The following KATNAL1 variants were observed in gnomAD, a reference collection of about 807,000 sequenced individuals.
KATNAL1 encodes katanin p60 ATPase-containing subunit A-like 1.
In KATNAL1, 32 loss-of-function variants were observed where a neutral mutation model predicts 55.2. That is an observed-to-expected ratio of 0.58 (90% CI 0.44 to 0.78). KATNAL1 has a LOEUF of 0.78. Ranked by LOEUF, KATNAL1 falls within the 30% of genes least tolerant of loss-of-function variation. KATNAL1 has a pLI of 0.00. For missense variants in KATNAL1, 466 were observed against 600.9 expected, an observed-to-expected ratio of 0.78 and a Z score of 2.35; for synonymous variants, 193 against 193.6, an observed-to-expected ratio of 1.00 and a Z score of 0.02.
chr13:30,231,554 T>G lies in KATNAL1; in HGVS notation c.727-82A>C, dbSNP rs1174960875. The G allele has an allele frequency of 3.5e-6, 3 of 852,374 alleles. No homozygotes were observed. In the African/African-American group the frequency reaches 5.3e-5, roughly 15 times the overall value. 52.8% of individuals were successfully genotyped at this position (852,374 alleles called of 1,614,324 possible). On this transcript the variant is annotated intron_variant, in intron 6 of 10. Coordinates refer to ENST00000380615, the MANE Select transcript of KATNAL1 (RefSeq NM_032116.5). ...ATTATCATCAGCTATTAATGTACAT[T>G]GAGATTTTTCCATCAAAAGATAAAC...
At chr13:30,295,422 T>C (rs991079791) in intron 1 of KATNAL1, among the ~76,000 whole-genome samples, 1 of 152,128 alleles carries the variant, frequency 6.6e-6, no homozygotes, top group Non-Finnish European at 1.5e-5. Flanking sequence ...GAACTAGCAT[T>C]AGAAGTGGAG....
At chr13:30,262,864 T>G (rs1457305823) in intron 3 of KATNAL1, among the ~76,000 whole-genome samples, 9 of 152,188 alleles carry the variant, frequency 5.9e-5, no homozygotes, top group African/African-American at 1.9e-4. Context: ...CCCTAACTCA[T>G]TTTATGAGGC....
chr13:30,302,912 T>C (rs1474175143), intron 1 of KATNAL1, among the ~76,000 whole-genome samples: 1 of 152,204 alleles, frequency 6.6e-6, no homozygotes, highest in African/African-American at 2.4e-5. Flanking sequence ...AGTTCTATAA[T>C]ACCCTGGGAA....
chr13:30,224,349 G>T (rs557907907), intron 9 of KATNAL1, among the ~76,000 whole-genome samples: 9 of 151,906 alleles, frequency 5.9e-5, no homozygotes, highest in Admixed American at 5.9e-4. Context: ...TGGGAAACAC[G>T]GCAAGCCTCT....
intron 3 of KATNAL1, among the ~76,000 whole-genome samples, chr13:30,257,266 T>C (rs1878875000): frequency 6.6e-6 from 1 of 152,224 alleles, no homozygotes; most frequent in Non-Finnish European, 1.5e-5. Context: ...ATAAATGTCT[T>C]TCCTGAGTCA....
chr13:30,269,025 A>G (rs1002419837), intron 3 of KATNAL1, among the ~76,000 whole-genome samples: 1 of 152,206 alleles, frequency 6.6e-6, no homozygotes, highest in Non-Finnish European at 1.5e-5. Context: ...ATCAGGTGAC[A>G]ATGAGTACTA....
intron 1 of KATNAL1, among the ~76,000 whole-genome samples, chr13:30,292,706 C>T (rs548512281): frequency 1.4e-4 from 21 of 151,692 alleles, no homozygotes; most frequent in Admixed American, 2.6e-4. Flanking sequence ...CTTTCTCTTT[C>T]TTTTTTCACT....
chr13:30,211,712 G>A (rs1032868632), intron 9 of KATNAL1, among the ~76,000 whole-genome samples: 7 of 152,032 alleles, frequency 4.6e-5, no homozygotes, highest in African/African-American at 9.7e-5. Flanking sequence ...AAAAACTAAC[G>A]GGCAGATACC....
At chr13:30,211,408 T>C (rs1873675582) in intron 9 of KATNAL1, among the ~76,000 whole-genome samples, 1 of 152,306 alleles carries the variant, frequency 6.6e-6, no homozygotes, top group East Asian at 1.9e-4. Context: ...AGAAAAAAGG[T>C]AGACATAGCA....
chr13:30,281,913 T>C (rs1196554628), intron 2 of KATNAL1: 1 of 152,102 alleles, frequency 6.6e-6, no homozygotes, highest in Non-Finnish European at 1.5e-5. Flanking sequence ...TGTTTTAGTA[T>C]AACAGGTGAA....
At chr13:30,298,394 T>C (rs951155133) in intron 1 of KATNAL1, among the ~76,000 whole-genome samples, 2 of 152,252 alleles carry the variant, frequency 1.3e-5, no homozygotes, top group Non-Finnish European at 2.9e-5. Flanking sequence ...CTAAAATTTG[T>C]TTATTCACTC....
At chr13:30,271,440 T>C (rs1337064990) in intron 3 of KATNAL1, among the ~76,000 whole-genome samples, 1 of 151,942 alleles carries the variant, frequency 6.6e-6, no homozygotes, top group East Asian at 1.9e-4. Context: ...CTCAGGAAAC[T>C]TACAATCATG....
At chr13:30,251,421 T>C (rs78737535) in intron 4 of KATNAL1, among the ~76,000 whole-genome samples, 3,252 of 152,306 alleles carry the variant, frequency 0.021, 46 homozygotes, top group Non-Finnish European at 0.033. Context: ...GACAGGGTTT[T>C]TGGAAGGTGG....
chr13:30,287,426 G>A (rs921535529), intron 1 of KATNAL1, among the ~76,000 whole-genome samples: 3 of 152,152 alleles, frequency 2.0e-5, no homozygotes, highest in African/African-American at 4.8e-5. Context: ...CTGTGAAGAG[G>A]TGCCTTCCGC....
intron 3 of KATNAL1, among the ~76,000 whole-genome samples, chr13:30,269,425 C>T (rs1880063188): frequency 6.6e-6 from 1 of 152,382 alleles, no homozygotes; most frequent in African/African-American, 2.4e-5. Context: ...GTGATCTCGG[C>T]TCGCTACAAC....
chr13:30,248,866 T>G (rs1319299079), intron 4 of KATNAL1, among the ~76,000 whole-genome samples: 1 of 152,184 alleles, frequency 6.6e-6, no homozygotes, highest in Non-Finnish European at 1.5e-5. Flanking sequence ...AAGACCATCC[T>G]GGCTAACACA....
chr13:30,206,514 C>T lies in KATNAL1; in HGVS notation c.*2026G>A, dbSNP rs1264727538. The T allele has an allele frequency of 2.0e-5, 3 of 151,988 alleles. No homozygotes were observed. Among genetic ancestry groups the T allele is most frequent in the African/African-American group, 7.2e-5 (3 of 41,388 alleles). 9.4% of individuals were successfully genotyped at this position (151,988 alleles called of 1,614,324 possible). A position where few individuals can be genotyped will look rare whatever the true frequency, so the allele number is the denominator to read the frequency against. ...TGCTTAACTGGTATTAAAAGAATCA[C>T]AATTACTATGTCATTATCCATGAAG... On this transcript the variant is annotated 3_prime_UTR_variant, in exon 11 of 11. Transcript: ENST00000380615.
At chr13:30,256,379 T>C (rs1878789169) in intron 3 of KATNAL1, among the ~76,000 whole-genome samples, 1 of 152,234 alleles carries the variant, frequency 6.6e-6, no homozygotes, top group Non-Finnish European at 1.5e-5. Flanking sequence ...TTTTTGATTC[T>C]TGGGAAAGGG....
chr13:30,304,722 A>G (rs1883076187), intron 1 of KATNAL1, among the ~76,000 whole-genome samples: 1 of 152,172 alleles, frequency 6.6e-6, no homozygotes, highest in South Asian at 2.1e-4. Flanking sequence ...TCTGAACTCC[A>G]GACTAAAATG....
Sources: allele counts gnomAD v4.1 joint callset (sites outside exome capture counted in the v4.1 genomes callset), GRCh38; gene constraint gnomAD v4.1.1; transcripts MANE v1.5; gene names NCBI Gene and HGNC (gene_info 2026-07-23, HGNC 2026-07-21).